FRMD8: variants seen among roughly 807,000 people sequenced by gnomAD.
The protein encoded by FRMD8 is FERM domain containing 8.
In FRMD8, 37 loss-of-function variants were observed where a neutral mutation model predicts 54.2. The ratio of observed to expected loss-of-function variants is 0.68; its 90% CI spans 0.53 to 0.90. The LOEUF is 0.90. Ranked by LOEUF, FRMD8 falls within the 40% of genes least tolerant of loss-of-function variation. The probability of loss-of-function intolerance (pLI) is 0.00; values close to 1 mark genes in which losing one functional copy is unlikely to be tolerated. For synonymous variants in FRMD8, 246 were observed against 286.9 expected, an observed-to-expected ratio of 0.86 and a Z score of 1.44; for missense variants, 585 against 653.7, an observed-to-expected ratio of 0.89 and a Z score of 1.15.
rs1295846621 is a variant in FRMD8 at position 65,400,263 on chromosome 11, C to A, written c.927+404C>A. Among the ~76,000 whole-genome samples, 1 of 152,200 alleles carries A rather than the reference C, an allele frequency of 6.6e-6. No homozygotes were observed. Among genetic ancestry groups the A allele is most frequent in the Non-Finnish European group, 1.5e-5 (1 of 68,030 alleles). ...GTAGAGAGCCGCGTCAGCAGCCAGC[C>A]CTGTGGGGCAGATTACCTGTCCCTG... is the stretch of plus-strand genomic sequence containing the variant. On this transcript the variant is annotated intron_variant, in intron 8 of 10. Coordinates refer to ENST00000317568, the MANE Select transcript of FRMD8 (RefSeq NM_031904.5). The surrounding 1 kb of genome is among the most constrained non-coding windows in gnomAD (Gnocchi z 4.3).
the FRMD8 span, chr11:65,376,750 C>A: frequency 6.2e-7 from 1 of 1,613,834 alleles, no homozygotes; most frequent in Non-Finnish European, 8.5e-7. Context: ...TTTCCTTCCC[C>A]AGTCCCCGCT....
At chr11:65,376,794 A>C in the FRMD8 span, 1 of 1,614,132 alleles carries the variant, frequency 6.2e-7, no homozygotes, top group Non-Finnish European at 8.5e-7. Context: ...TCTGTCCCCC[A>C]TCCTCTCACG....
Position 65,404,975 on chromosome 11 carries a change from C to T in FRMD8, c.1183C>T (p.Leu395=). Residue 395 remains leucine (L), a synonymous_variant, in exon 10 of 11, where the codon CTG becomes TTG. Transcript: ENST00000317568. The surrounding 1 kb of genome is among the most constrained non-coding windows in gnomAD (Gnocchi z 4.7). ...CTCGCCCTCGGACCCCAGCTCCTCA[C>T]TGGCTCCTGTTCAGCGCCCCAAGCT... is the stretch of plus-strand genomic sequence containing the variant. ...TGSPSDPSSS[L]APVQRPKLRR... 7.4e-6 allele frequency: 12 copies of T among 1,613,270 alleles called. No homozygotes were observed. The highest frequency in any genetic ancestry group is 1.0e-5 in the Non-Finnish European group (12 of 1,180,040).
intron 2 of FRMD8, chr11:65,387,337 G>T: frequency 4.6e-6 from 3 of 652,940 alleles, no homozygotes; most frequent in Non-Finnish European, 5.5e-6. Context: ...AAATGAGCTT[G>T]TTTAACATAG....
chr11:65,403,805 C>T (rs1489338595), intron 9 of FRMD8, among the ~76,000 whole-genome samples: 3 of 152,174 alleles, frequency 2.0e-5, no homozygotes, highest in Admixed American at 6.5e-5. Flanking sequence ...TGCATTTGAA[C>T]GGCAGGCTTC....
the FRMD8 span, chr11:65,380,281 G>A: frequency 6.5e-7 from 1 of 1,531,790 alleles, no homozygotes; most frequent in Non-Finnish European, 9.0e-7. Context: ...AGGAGAGCAG[G>A]GCCATCTCAG....
chr11:65,391,379 T>G (rs987392707), intron 3 of FRMD8, among the ~76,000 whole-genome samples: 1 of 152,162 alleles, frequency 6.6e-6, no homozygotes, highest in African/African-American at 2.4e-5. Flanking sequence ...AGGGTGTCCC[T>G]AGGCCCCATC....
At chr11:65,368,918 A>G in the FRMD8 span, among the ~76,000 whole-genome samples, 1 of 152,086 alleles carries the variant, frequency 6.6e-6, no homozygotes, top group South Asian at 2.1e-4. Flanking sequence ...CCCAGACCTC[A>G]TAGTTTAGAG....
chr11:65,376,869 T>G, the FRMD8 span: 1 of 1,614,196 alleles, frequency 6.2e-7, no homozygotes, highest in Non-Finnish European at 8.5e-7. Context: ...TCATAGGTGA[T>G]GAAGTAGATC....
In FRMD8 at chr11:65,411,454, T is replaced by A; in HGVS notation, c.*94T>A. The A allele has an allele frequency of 1.3e-6, 1 of 777,544 alleles. No homozygotes were observed. Among genetic ancestry groups the A allele is most frequent in the South Asian group, 2.1e-5 (1 of 48,102 alleles). The allele number at this position is 777,544 out of a possible 1,614,324, so 48.2% of individuals were successfully genotyped here. Reference sequence around the variant, plus strand: ...GCGCCGGCTGCAACAGTCTCATGGGTCACCACGTGGGGAGGGCTGCCTCAG... The same window carrying A: ...GCGCCGGCTGCAACAGTCTCATGGGACACCACGTGGGGAGGGCTGCCTCAG... On this transcript the variant is annotated 3_prime_UTR_variant, in exon 11 of 11. Transcript: ENST00000317568.
At chr11:65,396,419 C>G (rs1203185867) in intron 6 of FRMD8, among the ~76,000 whole-genome samples, 1 of 152,126 alleles carries the variant, frequency 6.6e-6, no homozygotes, top group African/African-American at 2.4e-5. Context: ...ATAGGGAGCC[C>G]CATCACAATC....
the FRMD8 span, among the ~76,000 whole-genome samples, chr11:65,372,118 G>A: frequency 6.6e-6 from 1 of 151,552 alleles, no homozygotes; most frequent in East Asian, 1.9e-4. Context: ...CACCATATTG[G>A]CCAGGCTGGT....
rs1856346996 is a variant in FRMD8, at chr11:65,412,106, C to G, written c.*746C>G. On this transcript the variant is annotated 3_prime_UTR_variant, in exon 11 of 11. Transcript: ENST00000317568. ...AGAAAGAGCATGCCTTTCTGATAGCCTTTGGTGATGTCACTGCTGGGAGGT... is the reference window on the plus strand; with the variant it reads ...AGAAAGAGCATGCCTTTCTGATAGCGTTTGGTGATGTCACTGCTGGGAGGT... The G allele has an allele frequency of 6.6e-6, 1 of 152,248 alleles. No homozygotes were observed. 9.4% of individuals were successfully genotyped at this position (152,248 alleles called of 1,614,324 possible).
the FRMD8 span, among the ~76,000 whole-genome samples, chr11:65,370,545 C>A: frequency 6.6e-6 from 1 of 151,204 alleles, no homozygotes; most frequent in Admixed American, 6.6e-5. Context: ...ACTAAAAATA[C>A]AAAAAATTAG....
intron 10 of FRMD8, among the ~76,000 whole-genome samples, chr11:65,409,931 C>T (rs1856291925): frequency 6.6e-6 from 1 of 151,694 alleles, no homozygotes; most frequent in Non-Finnish European, 1.5e-5. Flanking sequence ...CTAAAAAAAC[C>T]TTAGCCATGG....
At chr11:65,385,800 A>ATT (rs550885962), upstream of FRMD8, among the ~76,000 whole-genome samples, 1 of 145,376 alleles carries the variant, frequency 6.9e-6, no homozygotes, top group African/African-American at 2.5e-5. Flanking sequence ...ATATATATAA[A>ATT]TTTTTTTTTT....
chr11:65,377,992 G>A, the FRMD8 span: 1 of 152,362 alleles, frequency 6.6e-6, no homozygotes, highest in African/African-American at 2.4e-5. Context: ...GGTGGGTGGT[G>A]GTACTTAGGG....
At chr11:65,381,763 G>C, upstream of FRMD8, 1 of 898,052 alleles carries the variant, frequency 1.1e-6, no homozygotes, top group South Asian at 1.3e-5. Context: ...TCCCTATGTT[G>C]CCCAGACTGG....
chr11:65,375,713 G>GGCAGGGAGGTGGGAGGCC, the FRMD8 span: 1 of 152,468 alleles, frequency 6.6e-6, no homozygotes, highest in Non-Finnish European at 1.5e-5. Context: ...AGCTTTGAAA[G>GGCAGGGAGGTGGGAGGCC]GCAGGGAGGT....
Sources: allele counts gnomAD v4.1 joint callset (sites outside exome capture counted in the v4.1 genomes callset), GRCh38; gene constraint gnomAD v4.1.1; non-coding constraint Gnocchi (gnomAD v3.1); transcripts MANE v1.5; gene names NCBI Gene and HGNC (gene_info 2026-07-23, HGNC 2026-07-21).